Variants in CCT7 observed in about 807,000 individuals in gnomAD.
CCT7 encodes the protein T-complex protein 1 subunit eta.
Under a neutral mutation model 56.6 loss-of-function variants are expected in CCT7, and 16 were observed. The ratio of observed to expected loss-of-function variants is 0.28; its 90% CI spans 0.19 to 0.43. The LOEUF (loss-of-function observed/expected upper bound fraction) is 0.43. Ranked by LOEUF, CCT7 falls within the 20% of genes least tolerant of loss-of-function variation. The pLI is 1.00. For synonymous variants in CCT7, 262 were observed against 254.8 expected (o/e 1.03, Z -0.27); for missense variants, 519 against 685.6 (o/e 0.76, Z 2.71).
intron 6 of CCT7, among the ~76,000 whole-genome samples, chr2:73,245,499 A>G (rs1687296758): frequency 6.6e-6 from 1 of 152,310 alleles, no homozygotes; most frequent in African/African-American, 2.4e-5. Flanking sequence ...CTGAATCTTA[A>G]TTTTATTTCC....
chr2:73,239,516 G>A, intron 1 of CCT7, 127 bp from the exon 2 acceptor site: 2 of 797,168 alleles, frequency 2.5e-6, no homozygotes, highest in Non-Finnish European at 3.9e-6. Flanking sequence ...GACAGTTGGG[G>A]GAATGTGGTT....
chr2:73,240,772 A>G (rs1687072395), intron 3 of CCT7, among the ~76,000 whole-genome samples: 1 of 152,178 alleles, frequency 6.6e-6, no homozygotes, highest in African/African-American at 2.4e-5. Context: ...CTTTAGATAT[A>G]AGTCTACTGC....
At chr2:73,250,143 C>T (rs1052511799) in intron 9 of CCT7, among the ~76,000 whole-genome samples, 163 bp from the exon 10 acceptor site, 5 of 152,194 alleles carry the variant, frequency 3.3e-5, no homozygotes, top group African/African-American at 1.2e-4. Flanking sequence ...AGTGGTACAG[C>T]TGCAGACCTT....
intron 3 of CCT7, 76 bp from the exon 4 acceptor site, chr2:73,242,928 C>G (rs1006393923): frequency 4.5e-6 from 7 of 1,552,608 alleles, no homozygotes; most frequent in Non-Finnish European, 5.3e-6. Context: ...AAATGGGTAG[C>G]GTGCCTAAAA....
At chr2:73,243,517 T>G (rs1292332548) in intron 4 of CCT7, among the ~76,000 whole-genome samples, 3 of 152,200 alleles carry the variant, frequency 2.0e-5, no homozygotes, top group African/African-American at 4.8e-5. Flanking sequence ...AGGCCTTACT[T>G]TCTTTGCTAT....
intron 1 of CCT7, among the ~76,000 whole-genome samples, chr2:73,234,981 C>T (rs1686809491): frequency 6.6e-6 from 1 of 152,180 alleles, no homozygotes. Context: ...ACTGAATGTA[C>T]CAGGCCCTGG....
chr2:73,240,984 C>T (rs1687084948), intron 3 of CCT7, among the ~76,000 whole-genome samples: 1 of 148,822 alleles, frequency 6.7e-6, no homozygotes, highest in African/African-American at 2.5e-5. Flanking sequence ...CTTCTCTCAC[C>T]TCAGCTTCCT....
At chr2:73,238,912 C>A (rs928101872) in intron 1 of CCT7, among the ~76,000 whole-genome samples, 1 of 152,054 alleles carries the variant, frequency 6.6e-6, no homozygotes, top group African/African-American at 2.4e-5. Flanking sequence ...GAAGCCCTTA[C>A]GGGGATAGGG....
chr2:73,250,399 C>T lies in CCT7; in HGVS notation c.1164C>T (p.Ser388=), dbSNP rs2231437. The change falls in exon 10 of 12, where the codon TCC becomes TCT. Residue 388 remains serine, a synonymous_variant. Transcript: ENST00000258091. ...AEQFMEETER[S]LHDAIMIVRR... is the part of the protein sequence containing the mutation. ...AGTTTATGGAGGAGACAGAGCGGTC[C>T]CTGCATGATGCCATCATGATCGTCA... is the stretch of plus-strand genomic sequence containing the variant. 126,872 of 1,613,844 alleles carry T rather than the reference C, an allele frequency of 0.079. 6,400 individuals carry two copies. Among genetic ancestry groups the T allele is most frequent in the African/African-American group, 0.24 (17,683 of 74,940 alleles).
At chr2:73,242,958 T>C in intron 3 of CCT7, 46 bp from the exon 4 acceptor site, 1 of 1,611,082 alleles carries the variant, frequency 6.2e-7, no homozygotes, top group Non-Finnish European at 8.5e-7. Flanking sequence ...CAGGGCTTTA[T>C]TCCCTGAACA....
chr2:73,252,911 C>A lies in CCT7; in HGVS notation c.*50C>A. On this transcript the variant is annotated 3_prime_UTR_variant, in exon 12 of 12. Transcript: ENST00000258091. ...TGGCTGGCTGCTGGGTGCACTTACC[C>A]TCCTTGGCTTGGTTACTTCATTTTA... The A allele has an allele frequency of 7.1e-7, 1 of 1,416,550 alleles. No individual in the cohort carries two copies. The allele number at this position is 1,416,550 out of a possible 1,614,324, so 87.7% of individuals were successfully genotyped here. A position where few individuals can be genotyped will look rare whatever the true frequency, so the allele number is the denominator to read the frequency against.
intron 3 of CCT7, among the ~76,000 whole-genome samples, chr2:73,241,163 A>C (rs1435177367): frequency 6.6e-6 from 1 of 152,104 alleles, no homozygotes; most frequent in Non-Finnish European, 1.5e-5. Flanking sequence ...CTGGAGTATT[A>C]ATAAATGTGT....
intron 6 of CCT7, among the ~76,000 whole-genome samples, chr2:73,246,456 T>C (rs1390463678): frequency 2.0e-5 from 3 of 152,250 alleles, no homozygotes; most frequent in African/African-American, 7.2e-5. Context: ...AGTCTGTCTC[T>C]TTTACTCTTT....
chr2:73,247,895 A>G lies in CCT7; in HGVS notation c.752A>G (p.Asp251Gly). The G allele has an allele frequency of 6.2e-7, 1 of 1,614,186 alleles. No homozygotes were observed. The highest frequency in any genetic ancestry group is 8.5e-7 in the Non-Finnish European group (1 of 1,180,008). ...GAGCTCGAGTTGAAAGCTGAGAAAG[A>G]CAATGCTGAGATAAGAGTCCACACA... Reference protein sequence around the residue: ...NVELELKAEKDNAEIRVHTVE... With the variant: ...NVELELKAEKGNAEIRVHTVE... The change falls in exon 7 of 12, where the codon GAC becomes GGC. Residue 251 changes from aspartate to glycine, a missense_variant. By Grantham distance (94) the Asp-to-Gly change is moderately conservative. Coordinates refer to ENST00000258091, the MANE Select transcript of CCT7 (RefSeq NM_006429.4).
At chr2:73,249,784 C>T in intron 8 of CCT7, 35 bp from the exon 9 acceptor site, 1 of 1,485,616 alleles carries the variant, frequency 6.7e-7, no homozygotes. Flanking sequence ...CCTCGGGAAC[C>T]TTCACTGCTA....
chr2:73,249,946 A>G (rs1481842181), intron 9 of CCT7, 30 bp downstream of exon 9: 9 of 1,452,852 alleles, frequency 6.2e-6, no homozygotes, highest in South Asian at 1.1e-5. Context: ...CGAGCTCACA[A>G]ACCTGCCTGG....
intron 6 of CCT7, among the ~76,000 whole-genome samples, chr2:73,247,271 G>C (rs1463481474): frequency 6.6e-6 from 1 of 152,176 alleles, no homozygotes; most frequent in African/African-American, 2.4e-5. Context: ...ATGCTGTTGG[G>C]GGTGTGGGGG....
chr2:73,247,127 G>T (rs1423191753), intron 6 of CCT7, among the ~76,000 whole-genome samples: 2 of 152,202 alleles, frequency 1.3e-5, no homozygotes, highest in Non-Finnish European at 2.9e-5. Context: ...ACAAGTGGTA[G>T]AAGATCCCTA....
At chr2:73,236,976 C>G (rs1472784459) in intron 1 of CCT7, among the ~76,000 whole-genome samples, 1 of 152,238 alleles carries the variant, frequency 6.6e-6, no homozygotes, top group Non-Finnish European at 1.5e-5. Context: ...AGTCAAGAAG[C>G]CAGTGCTGTC....
Sources: allele counts gnomAD v4.1 joint callset (sites outside exome capture counted in the v4.1 genomes callset), GRCh38; gene constraint gnomAD v4.1.1; transcripts MANE v1.5; gene names NCBI Gene and HGNC (gene_info 2026-07-23, HGNC 2026-07-21).